Variants in SLC6A2 observed in about 807,000 individuals in gnomAD.
The protein encoded by SLC6A2 is sodium-dependent noradrenaline transporter.
Under a neutral mutation model 71.7 loss-of-function variants are expected in SLC6A2, and 26 were observed. The ratio of observed to expected loss-of-function variants is 0.36; its 90% confidence interval spans 0.27 to 0.50. The LOEUF (loss-of-function observed/expected upper bound fraction) is 0.50. Among genes scored for constraint, SLC6A2 ranks in the 20% least tolerant of loss-of-function variants. The pLI is 0.96. For missense variants in SLC6A2, 581 were observed against 803.9 expected, an observed-to-expected ratio of 0.72 and a Z score of 3.35; for synonymous variants, 363 against 337.9, an observed-to-expected ratio of 1.07 and a Z score of -0.82.
At chr16:55,665,526 C>T (rs899745986) in intron 2 of SLC6A2, among the ~76,000 whole-genome samples, 2 of 152,094 alleles carry the variant, frequency 1.3e-5, no homozygotes, top group Non-Finnish European at 2.9e-5. Flanking sequence ...CAAGGTGTGG[C>T]CAGAATTCAC....
At chr16:55,695,212 T>C (rs2279805) in intron 7 of SLC6A2, 66 bp from the exon 8 acceptor site, 764,313 of 1,600,988 alleles carry the variant, frequency 0.48, 186,087 homozygotes, top group East Asian at 0.75. Flanking sequence ...CTATAGCCAG[T>C]CCAGCAGTCA....
At chr16:55,665,803 T>A (rs1384623164) in intron 2 of SLC6A2, among the ~76,000 whole-genome samples, 2 of 152,346 alleles carry the variant, frequency 1.3e-5, no homozygotes, top group East Asian at 3.9e-4. Flanking sequence ...GCACAGAGGC[T>A]TCCAGAGCCC....
chr16:55,677,943 G>A (rs1441203510), intron 4 of SLC6A2, among the ~76,000 whole-genome samples: 6 of 152,174 alleles, frequency 3.9e-5, no homozygotes, highest in African/African-American at 1.2e-4. Context: ...TTACAGGTGT[G>A]AGCCACCTCA....
chr16:55,683,036 T>C (rs996928359), intron 4 of SLC6A2, among the ~76,000 whole-genome samples: 3 of 152,086 alleles, frequency 2.0e-5, no homozygotes, highest in Non-Finnish European at 2.9e-5. Flanking sequence ...AAATGAACGA[T>C]TAGGGTGCAG....
At chr16:55,667,431 GT>G (rs1964784721) in intron 2 of SLC6A2, among the ~76,000 whole-genome samples, 2 of 152,220 alleles carry the variant, frequency 1.3e-5, no homozygotes, top group South Asian at 4.1e-4. Flanking sequence ...AAATAATTAT[GT>G]AAAAACTTGT....
rs1165926603 is a variant in SLC6A2, at chr16:55,704,987, T to C, written c.*2641T>C. 4.4e-6 allele frequency: 2 copies of C among 454,546 alleles called. No homozygotes were observed. The highest frequency in any genetic ancestry group is 2.0e-5 in the African/African-American group (1 of 50,422). The allele number at this position is 454,546 out of a possible 1,614,324, so 28.2% of individuals were successfully genotyped here. A position where few individuals can be genotyped will look rare whatever the true frequency, so the allele number is the denominator to read the frequency against. On this transcript the variant is annotated 3_prime_UTR_variant, in exon 15 of 15. Transcript: ENST00000568943. ...TTTAATGGAGAGAGAGTATGGGCTT[T>C]ATGTTAAGTCATCTTTGACTTCCTT...
Position 55,704,990 on chromosome 16 carries a change from G to T in SLC6A2, c.*2644G>T. On this transcript the variant is annotated 3_prime_UTR_variant, in exon 15 of 15. Transcript: ENST00000568943. ...AATGGAGAGAGAGTATGGGCTTTAT[G>T]TTAAGTCATCTTTGACTTCCTTTTT... 1 of 467,756 alleles carries T rather than the reference G, an allele frequency of 2.1e-6. No homozygotes were observed. 29.0% of individuals were successfully genotyped at this position (467,756 alleles called of 1,614,324 possible). A position where few individuals can be genotyped will look rare whatever the true frequency, so the allele number is the denominator to read the frequency against.
chr16:55,702,918 G>A lies in SLC6A2; in HGVS notation c.*572G>A. 3.0e-6 allele frequency: 3 copies of A among 989,210 alleles called. No homozygotes were observed. The highest frequency in any genetic ancestry group is 2.4e-6 in the Non-Finnish European group (2 of 832,314). The allele number at this position is 989,210 out of a possible 1,614,324, so 61.3% of individuals were successfully genotyped here. Reference sequence around the variant, plus strand: ...TATTTGTCTCTAAAATGAAGTCAGTGGATAGATGCTTTGAGGGATTTTGAG... The same window carrying A: ...TATTTGTCTCTAAAATGAAGTCAGTAGATAGATGCTTTGAGGGATTTTGAG... On this transcript the variant is annotated 3_prime_UTR_variant, in exon 15 of 15. Transcript: ENST00000568943.
chr16:55,703,521 A>G lies in SLC6A2; in HGVS notation c.*1175A>G, dbSNP rs886052142. 1.8e-5 allele frequency: 18 copies of G among 985,334 alleles called. No homozygotes were observed. Among genetic ancestry groups the G allele is most frequent in the Non-Finnish European group, 3.6e-6 (3 of 829,948 alleles). 61.0% of individuals were successfully genotyped at this position (985,334 alleles called of 1,614,324 possible). Reference sequence around the variant, plus strand: ...GGAGAATTTTGAGAGTGGATGGAACAGTTTGGTGGTTTCAGAGAATTTCTA... The same window carrying G: ...GGAGAATTTTGAGAGTGGATGGAACGGTTTGGTGGTTTCAGAGAATTTCTA... On this transcript the variant is annotated 3_prime_UTR_variant, in exon 15 of 15. Transcript: ENST00000568943.
At position 55,704,090 on chromosome 16, in the gene SLC6A2, C is replaced by T. The variant is rs1205232578; in HGVS notation, c.*1744C>T. The T allele has an allele frequency of 6.6e-6, 1 of 152,210 alleles. No individual in the cohort carries two copies. The highest frequency in any genetic ancestry group is 6.5e-5 in the Admixed American group (1 of 15,286). The allele number at this position is 152,210 out of a possible 1,614,324, so 9.4% of individuals were successfully genotyped here. A position where few individuals can be genotyped will look rare whatever the true frequency, so the allele number is the denominator to read the frequency against. ...AACAATCAGGTCGGGGTCTGGGCCCCATTAGTGACTTTATATCCTCCCATA... is the reference window on the plus strand; with the variant it reads ...AACAATCAGGTCGGGGTCTGGGCCCTATTAGTGACTTTATATCCTCCCATA... On this transcript the variant is annotated 3_prime_UTR_variant, in exon 15 of 15. Transcript: ENST00000568943.
intron 2 of SLC6A2, among the ~76,000 whole-genome samples, chr16:55,667,467 C>T (rs975737782): frequency 6.6e-6 from 1 of 152,216 alleles, no homozygotes; most frequent in Non-Finnish European, 1.5e-5. Context: ...ATAACAGGTG[C>T]TCAACAAACG....
In SLC6A2 at chr16:55,692,063, A is replaced by T. The variant is rs5564; in HGVS notation, c.918+11A>T. On this transcript the variant is annotated intron_variant, in intron 6 of 14. Coordinates refer to ENST00000568943, the MANE Select transcript of SLC6A2 (RefSeq NM_001172501.3). The stretch of plus-strand genomic sequence containing the variant: ...TTGAAAGAGGCCACGGTCAGTGCTC[A>T]GTGACCACCAAGCCTTGGGCCAGGC... The T allele has an allele frequency of 6.2e-7, 1 of 1,614,100 alleles. No homozygotes were observed. Among genetic ancestry groups the T allele is most frequent in the Non-Finnish European group, 8.5e-7 (1 of 1,179,994 alleles).
chr16:55,701,024 C>A (rs1002765515), intron 13 of SLC6A2, among the ~76,000 whole-genome samples: 5 of 152,154 alleles, frequency 3.3e-5, no homozygotes, highest in Admixed American at 6.5e-5. Context: ...AAGATGATTT[C>A]ATTCCTTCAT....
intron 4 of SLC6A2, among the ~76,000 whole-genome samples, chr16:55,680,422 A>C (rs533057241): frequency 6.6e-6 from 1 of 152,224 alleles, no homozygotes; most frequent in African/African-American, 2.4e-5. Flanking sequence ...CAAGGAAGCC[A>C]GTCCAAGTCC....
chr16:55,677,538 C>A (rs1965130119), intron 4 of SLC6A2, among the ~76,000 whole-genome samples: 2 of 152,118 alleles, frequency 1.3e-5, no homozygotes, highest in Admixed American at 1.3e-4. Flanking sequence ...GGTTTTGAGA[C>A]CCTACTTACT....
intron 5 of SLC6A2, among the ~76,000 whole-genome samples, chr16:55,690,444 G>A (rs4436775): frequency 0.28 from 43,308 of 152,084 alleles, 7,363 homozygotes; most frequent in Non-Finnish European, 0.37. Flanking sequence ...AAGAACTTTC[G>A]TGTTTCAAGG....
At chr16:55,668,404 T>A (rs1964812935) in intron 2 of SLC6A2, among the ~76,000 whole-genome samples, 1 of 152,332 alleles carries the variant, frequency 6.6e-6, no homozygotes, top group African/African-American at 2.4e-5. Context: ...TATCCATTGT[T>A]AATATTGCTA....
Position 55,702,593 on chromosome 16 carries a change from G to A in SLC6A2, c.*247G>A, listed in dbSNP as rs1966006369. 16 of 1,411,978 alleles carry A rather than the reference G, an allele frequency of 1.1e-5. No individual in the cohort carries two copies. Among genetic ancestry groups the A allele is most frequent in the South Asian group, 4.5e-5 (3 of 66,574 alleles). The allele number at this position is 1,411,978 out of a possible 1,614,324, so 87.5% of individuals were successfully genotyped here. A position where few individuals can be genotyped will look rare whatever the true frequency, so the allele number is the denominator to read the frequency against. On this transcript the variant is annotated 3_prime_UTR_variant, in exon 15 of 15. Coordinates refer to ENST00000568943, the MANE Select transcript of SLC6A2 (RefSeq NM_001172501.3). ...GGAAAATGACTTCTGTTCTGTCCCC[G>A]CTGTTTTGGGGGAAGTCTCTCCCAC...
chr16:55,701,046 C>G (rs1032456505), intron 13 of SLC6A2, among the ~76,000 whole-genome samples: 5 of 152,174 alleles, frequency 3.3e-5, no homozygotes, highest in Non-Finnish European at 5.9e-5. Flanking sequence ...CCTTTATCCA[C>G]TCACTTGGAA....
Sources: allele counts gnomAD v4.1 joint callset (sites outside exome capture counted in the v4.1 genomes callset), GRCh38; gene constraint gnomAD v4.1.1; transcripts MANE v1.5; gene names NCBI Gene and HGNC (gene_info 2026-07-23, HGNC 2026-07-21).